Variants in CPED1 observed in about 807,000 individuals in gnomAD.
The protein encoded by CPED1 is cadherin like and PC-esterase domain containing 1.
Under a neutral mutation model 128.2 loss-of-function variants are expected in CPED1, and 114 were observed. The observed-to-expected ratio is 0.89, with a 90% CI of 0.76 to 1.04. The LOEUF is 1.04. Ranked by LOEUF, CPED1 falls within the 50% of genes least tolerant of loss-of-function variation. The pLI is 0.00. For missense variants in CPED1, 1,211 were observed against 1,207.1 expected, an observed-to-expected ratio of 1.00 and a Z score of -0.05; for synonymous variants, 462 against 426.7, an observed-to-expected ratio of 1.08 and a Z score of -1.02.
chr7:121,265,007 T>C (rs1230297954), intron 18 of CPED1, among the ~76,000 whole-genome samples: 1 of 151,980 alleles, frequency 6.6e-6, no homozygotes, highest in Non-Finnish European at 1.5e-5. Context: ...CAAAATGTAA[T>C]AAAATCAAAG....
intron 16 of CPED1, among the ~76,000 whole-genome samples, chr7:121,170,603 T>G (rs1157300830): frequency 6.6e-6 from 1 of 152,168 alleles, no homozygotes; most frequent in Admixed American, 6.5e-5. Context: ...CTGATTAAAA[T>G]AGATATCTTC....
intron 17 of CPED1, among the ~76,000 whole-genome samples, chr7:121,240,720 C>A (rs1798371175): frequency 7.5e-6 from 1 of 133,826 alleles, no homozygotes; most frequent in Non-Finnish European, 1.5e-5. Context: ...AGCATGATCC[C>A]ACTTCTGTTA....
intron 14 of CPED1, among the ~76,000 whole-genome samples, chr7:121,137,284 C>G (rs894615776): frequency 6.6e-6 from 1 of 151,990 alleles, no homozygotes; most frequent in Non-Finnish European, 1.5e-5. Context: ...CAATCCTCCT[C>G]CTTCATCCTC....
At position 121,252,156 on chromosome 7, in the gene CPED1, G is replaced by A. The variant is rs868197494; in HGVS notation, c.2310+7818G>A. On this transcript the variant is annotated intron_variant, in intron 18 of 22. Transcript: ENST00000310396. Reference sequence around the variant, plus strand: ...ACAGAACAGAGCCCTCAGAAATAACGCCGCATATCTACAACTATCTGATCT... The same window carrying A: ...ACAGAACAGAGCCCTCAGAAATAACACCGCATATCTACAACTATCTGATCT... Among the ~76,000 whole-genome samples the A allele has an allele frequency of 2.3e-3, 349 of 150,564 alleles. 4 individuals are homozygous for A. Among genetic ancestry groups the A allele is most frequent in the African/African-American group, 8.0e-3 (325 of 40,698 alleles).
At chr7:121,228,172 G>C (rs1368658405) in intron 16 of CPED1, among the ~76,000 whole-genome samples, 1 of 152,034 alleles carries the variant, frequency 6.6e-6, no homozygotes, top group African/African-American at 2.4e-5. Flanking sequence ...AAACTAGAAA[G>C]CTTCTGCACA....
chr7:121,255,782 C>T (rs1305138690), intron 18 of CPED1, among the ~76,000 whole-genome samples: 1 of 151,876 alleles, frequency 6.6e-6, no homozygotes, highest in Non-Finnish European at 1.5e-5. Flanking sequence ...GGCTGAGAGT[C>T]AAATCAAGAA....
At chr7:121,215,319 G>T (rs1449352559) in intron 16 of CPED1, among the ~76,000 whole-genome samples, 1 of 152,032 alleles carries the variant, frequency 6.6e-6, no homozygotes, top group Non-Finnish European at 1.5e-5. Flanking sequence ...TTAGACATAA[G>T]TGGATTAGAT....
chr7:121,175,816 G>A (rs1366424561), intron 16 of CPED1, among the ~76,000 whole-genome samples: 2 of 152,188 alleles, frequency 1.3e-5, no homozygotes, highest in East Asian at 1.9e-4. Flanking sequence ...AAGAAAGAGC[G>A]ATAGAGGAAG....
intron 16 of CPED1, among the ~76,000 whole-genome samples, chr7:121,204,463 C>T (rs2116574315): frequency 1.3e-5 from 2 of 152,224 alleles, no homozygotes; most frequent in South Asian, 4.1e-4. Flanking sequence ...TCCACACACA[C>T]CTACAGGCAG....
intron 3 of CPED1, among the ~76,000 whole-genome samples, chr7:121,031,135 A>G (rs1442987112): frequency 6.6e-6 from 1 of 152,194 alleles, no homozygotes; most frequent in Non-Finnish European, 1.5e-5. Flanking sequence ...GTATGCATAC[A>G]CCATATTTTT....
chr7:121,210,071 T>A (rs1012199746), intron 16 of CPED1, among the ~76,000 whole-genome samples: 1 of 151,992 alleles, frequency 6.6e-6, no homozygotes, highest in Admixed American at 6.6e-5. Flanking sequence ...CTCAACATCA[T>A]TGATCATCAG....
At chr7:121,140,593 T>C (rs915511528) in intron 14 of CPED1, among the ~76,000 whole-genome samples, 1 of 151,984 alleles carries the variant, frequency 6.6e-6, no homozygotes, top group African/African-American at 2.4e-5. Context: ...ACCATCTATA[T>C]AACGCCGACT....
At chr7:121,047,701 TTCTTCTTCTTCTTC>T (rs1563004961) in intron 4 of CPED1, among the ~76,000 whole-genome samples, 1 of 37,742 alleles carries the variant, frequency 2.6e-5, no homozygotes, top group Admixed American at 3.8e-4. Context: ...CTTCTTCTTC[TTCTTCTTCTTCTTC>T]TTTTTTTTTT....
At chr7:121,195,077 G>A (rs1256324685) in intron 16 of CPED1, 1 of 152,080 alleles carries the variant, frequency 6.6e-6, no homozygotes, top group African/African-American at 2.4e-5. Context: ...TCAATATTAT[G>A]ATTTTCTTGC....
chr7:120,998,530 T>C (rs1796448582), intron 2 of CPED1, among the ~76,000 whole-genome samples: 1 of 152,130 alleles, frequency 6.6e-6, no homozygotes, highest in South Asian at 2.1e-4. Context: ...TTATTTAATT[T>C]CCTTGAAGAC....
At chr7:121,186,617 T>C (rs746293780) in intron 16 of CPED1, among the ~76,000 whole-genome samples, 1 of 152,174 alleles carries the variant, frequency 6.6e-6, no homozygotes, top group Non-Finnish European at 1.5e-5. Flanking sequence ...CTGCAGTTTA[T>C]TGAAGAAAGT....
At chr7:121,091,620 G>A (rs1228743294) in intron 5 of CPED1, among the ~76,000 whole-genome samples, 1 of 152,104 alleles carries the variant, frequency 6.6e-6, no homozygotes, top group Non-Finnish European at 1.5e-5. Flanking sequence ...CACTTCTTGA[G>A]CATATAAGTC....
At chr7:121,284,937 T>C (rs925471273) in intron 22 of CPED1, among the ~76,000 whole-genome samples, 1 of 152,174 alleles carries the variant, frequency 6.6e-6, no homozygotes, top group African/African-American at 2.4e-5. Context: ...GTGGGGTCAC[T>C]GTGTGGGGGC....
intron 16 of CPED1, among the ~76,000 whole-genome samples, chr7:121,204,731 C>T (rs1797480647): frequency 6.6e-6 from 1 of 152,136 alleles, no homozygotes; most frequent in South Asian, 2.1e-4. Flanking sequence ...CTTCATTAAG[C>T]CCATGATGCA....
Sources: allele counts gnomAD v4.1 joint callset (sites outside exome capture counted in the v4.1 genomes callset), GRCh38; gene constraint gnomAD v4.1.1; transcripts MANE v1.5; gene names NCBI Gene and HGNC (gene_info 2026-07-23, HGNC 2026-07-21).